The following UMAD1 variants were observed in gnomAD, a reference collection of about 807,000 sequenced individuals.
UMAD1 encodes the protein UBAP1-MVB12-associated (UMA)-domain containing protein 1.
A neutral mutation model predicts 6.1 loss-of-function variants in UMAD1; 8 were observed. The ratio of observed to expected loss-of-function variants is 1.30; its 90% CI spans 0.76 to 2.35. UMAD1 has a LOEUF of 2.35. Ranked by LOEUF, UMAD1 falls within the 30% of genes most tolerant of loss-of-function variation. UMAD1 has a pLI of 0.00. For synonymous variants in UMAD1, 56 were observed against 31.4 expected (o/e 1.78, Z -2.61); for missense variants, 130 against 78.4 (o/e 1.66, Z -2.49).
At chr7:7,646,258 T>G (rs116367126) in intron 1 of UMAD1, among the ~76,000 whole-genome samples, 1 of 152,022 alleles carries the variant, frequency 6.6e-6, no homozygotes, top group African/African-American at 2.4e-5. Flanking sequence ...GGGCATTTTA[T>G]TGAGTGATGG....
At chr7:7,837,160 A>G (rs1412936201) in intron 3 of UMAD1, among the ~76,000 whole-genome samples, 1 of 152,108 alleles carries the variant, frequency 6.6e-6, no homozygotes, top group Non-Finnish European at 1.5e-5. Context: ...CAGTCAAATA[A>G]TATCTTCAAA....
chr7:7,744,593 G>GTTTTTTTTTTTTTTT (rs377391555), intron 2 of UMAD1, among the ~76,000 whole-genome samples: 3 of 135,874 alleles, frequency 2.2e-5, no homozygotes, highest in Non-Finnish European at 3.2e-5. Flanking sequence ...AATTGTTACT[G>GTTTTTTTTTTTTTTT]TTTTTTTTTT....
intron 2 of UMAD1, among the ~76,000 whole-genome samples, chr7:7,728,891 A>G (rs1268472339): frequency 6.6e-6 from 1 of 152,182 alleles, no homozygotes; most frequent in Non-Finnish European, 1.5e-5. Flanking sequence ...TTAGGAATGT[A>G]TGGTGAATAT....
intron 2 of UMAD1, among the ~76,000 whole-genome samples, chr7:7,772,895 C>CT (rs1308962143): frequency 6.6e-6 from 1 of 151,730 alleles, no homozygotes; most frequent in Non-Finnish European, 1.5e-5. Flanking sequence ...CACAAGAAGC[C>CT]TTTTTTATTT....
At chr7:7,824,091 C>T (rs1411141703) in intron 3 of UMAD1, among the ~76,000 whole-genome samples, 1 of 152,064 alleles carries the variant, frequency 6.6e-6, no homozygotes, top group East Asian at 1.9e-4. Context: ...CCTTTCCTTT[C>T]CCTCCCGCAC....
At chr7:7,702,083 A>G (rs187204584) in intron 2 of UMAD1, among the ~76,000 whole-genome samples, 204 of 152,292 alleles carry the variant, frequency 1.3e-3, no homozygotes, top group African/African-American at 4.5e-3. Context: ...AATTTAATGT[A>G]AGGGATGTCA....
chr7:7,746,955 TTGTGTGTGTGTGTGTG>T (rs36223422), intron 2 of UMAD1, among the ~76,000 whole-genome samples: 23 of 148,622 alleles, frequency 1.5e-4, no homozygotes, highest in African/African-American at 5.4e-4. Flanking sequence ...GAGTGCATGT[TTGTGTGTGTGTGTGTG>T]TGTGTGTGTG....
intron 3 of UMAD1, among the ~76,000 whole-genome samples, chr7:7,812,907 A>C (rs1182665096): frequency 6.6e-6 from 1 of 151,570 alleles, no homozygotes; most frequent in African/African-American, 2.4e-5. Context: ...CTATATAGAG[A>C]GCTTAAGTGC....
chr7:7,692,183 C>G (rs1176093973), intron 2 of UMAD1, among the ~76,000 whole-genome samples: 1 of 152,084 alleles, frequency 6.6e-6, no homozygotes, highest in Non-Finnish European at 1.5e-5. Flanking sequence ...TGGAAAGCAG[C>G]TAGTCAGCAG....
At chr7:7,799,477 A>G (rs762963789) in intron 2 of UMAD1, among the ~76,000 whole-genome samples, 42 of 152,316 alleles carry the variant, frequency 2.8e-4, no homozygotes, top group South Asian at 1.2e-3. Flanking sequence ...GAAATCAGAA[A>G]ATGGCGAAGG....
chr7:7,845,212 G>A (rs1021333125), intron 3 of UMAD1, among the ~76,000 whole-genome samples: 13 of 151,986 alleles, frequency 8.6e-5, no homozygotes, highest in African/African-American at 2.7e-4. Context: ...TTGGACTGAC[G>A]TTTTAGATAT....
chr7:7,731,781 A>G (rs749012727), intron 2 of UMAD1, among the ~76,000 whole-genome samples: 2 of 152,216 alleles, frequency 1.3e-5, no homozygotes, highest in Non-Finnish European at 2.9e-5. Context: ...ATAATGATCC[A>G]TTAAAATGTG....
At chr7:7,847,096 AAAAAAAAAATATATATATAT>A (rs1470798311) in intron 3 of UMAD1, among the ~76,000 whole-genome samples, 2 of 50,064 alleles carry the variant, frequency 4.0e-5, no homozygotes, top group African/African-American at 2.7e-4. Flanking sequence ...GCAAAAAAAA[AAAAAAAAAATATATATATAT>A]ATATATATAT....
At chr7:7,845,813 A>T (rs76044983) in intron 3 of UMAD1, among the ~76,000 whole-genome samples, 4 of 152,288 alleles carry the variant, frequency 2.6e-5, no homozygotes, top group Non-Finnish European at 4.4e-5. Context: ...TGTAATACAA[A>T]TATGTCATAA....
At chr7:7,848,809 G>T (rs536416844) in intron 3 of UMAD1, among the ~76,000 whole-genome samples, 3 of 152,084 alleles carry the variant, frequency 2.0e-5, no homozygotes, top group Admixed American at 1.3e-4. Flanking sequence ...TTGAAGGAAA[G>T]AATTTTTTAA....
chr7:7,800,051 T>G (rs1270992996), intron 2 of UMAD1, among the ~76,000 whole-genome samples: 2 of 152,238 alleles, frequency 1.3e-5, no homozygotes, highest in East Asian at 3.9e-4. Context: ...GTCCAGCTAA[T>G]TTTGTGTTTT....
chr7:7,698,227 G>A (rs1429679482), intron 2 of UMAD1, among the ~76,000 whole-genome samples: 1 of 152,204 alleles, frequency 6.6e-6, no homozygotes, highest in African/African-American at 2.4e-5. Flanking sequence ...ATGAAATTTA[G>A]TAAGATATAG....
In UMAD1 at chr7:7,672,501, C is replaced by G. The variant is rs28915987; in HGVS notation, c.-63-808C>G. ...GATATGGTTTGGTTCTTTGTCCCCA[C>G]CCAAATCTCACTTTGAATTGTATTA... On this transcript the variant is annotated intron_variant, in intron 1 of 3. Transcript: ENST00000682710. Among the ~76,000 whole-genome samples, 231 of 152,260 alleles carry G rather than the reference C, an allele frequency of 1.5e-3. 2 individuals are homozygous for G. The highest frequency in any genetic ancestry group is 5.3e-3 in the African/African-American group (219 of 41,548).
At chr7:7,705,100 G>A (rs1780565960) in intron 2 of UMAD1, among the ~76,000 whole-genome samples, 1 of 152,156 alleles carries the variant, frequency 6.6e-6, no homozygotes, top group East Asian at 1.9e-4. Context: ...GGGAGCTCCT[G>A]TTCTGACATG....
Sources: gnomAD v4.1 joint callset for allele counts (sites outside exome capture counted in the v4.1 genomes callset) on GRCh38, gnomAD v4.1.1 for gene constraint, MANE v1.5 for transcripts, NCBI Gene and HGNC (gene_info 2026-07-23, HGNC 2026-07-21) for gene names.